Variants in LUZP2 observed in about 807,000 individuals in gnomAD.
The protein encoded by LUZP2 is leucine zipper protein 2.
In LUZP2, 52 loss-of-function variants were observed where a neutral mutation model predicts 51.6. That is an observed-to-expected ratio of 1.01 (90% CI 0.81 to 1.27). The LOEUF is 1.27. LUZP2 is among the 50% of genes most tolerant of loss of function. The pLI is 0.00. For synonymous variants in LUZP2, 154 were observed against 137.3 expected, an observed-to-expected ratio of 1.12 and a Z score of -0.85; for missense variants, 436 against 395.4, an observed-to-expected ratio of 1.10 and a Z score of -0.87.
At chr11:24,599,147 T>C (rs1424320383) in intron 1 of LUZP2, among the ~76,000 whole-genome samples, 1 of 152,128 alleles carries the variant, frequency 6.6e-6, no homozygotes, top group East Asian at 1.9e-4. Flanking sequence ...ATCAACAACG[T>C]GATGAAGACA....
intron 8 of LUZP2, among the ~76,000 whole-genome samples, chr11:24,978,429 G>A (rs1590797669): frequency 6.6e-6 from 1 of 151,680 alleles, no homozygotes; most frequent in Admixed American, 6.6e-5. Context: ...TTAAATCCTA[G>A]AAAATCATTA....
chr11:24,516,559 T>A (rs1013472576), intron 1 of LUZP2, among the ~76,000 whole-genome samples: 17 of 152,216 alleles, frequency 1.1e-4, no homozygotes, highest in African/African-American at 3.9e-4. Flanking sequence ...GTTTGTTTTC[T>A]TTTTTGTGTG....
In LUZP2 at chr11:24,894,686, T is replaced by C. The variant is rs1478237941; in HGVS notation, c.397-11305T>C. Among the ~76,000 whole-genome samples the C allele has an allele frequency of 3.8e-5, 4 of 105,184 alleles. No individual in the cohort carries two copies. The South Asian group carries it at 9.1e-4, about 24-fold the overall frequency. 69.0% of individuals were successfully genotyped at this position (105,184 alleles called of 152,430 possible). ...GTATTCAATGTTTAACTCCCTCTTA[T>C]ACACGACAACGTGTCATTTGGTTTC... On this transcript the variant is annotated intron_variant, in intron 5 of 11. Transcript: ENST00000336930.
intron 1 of LUZP2, among the ~76,000 whole-genome samples, chr11:24,602,383 T>TACACACAC (rs550126763): frequency 0.015 from 660 of 43,148 alleles, 12 homozygotes; most frequent in Admixed American, 0.094. Context: ...TGTATATATA[T>TACACACAC]ATATACACAC....
chr11:24,691,690 G>T (rs926987630), intron 1 of LUZP2, among the ~76,000 whole-genome samples: 4 of 152,044 alleles, frequency 2.6e-5, no homozygotes, highest in African/African-American at 7.2e-5. Context: ...CATTGTATTA[G>T]AAAGATGGAC....
intron 1 of LUZP2, among the ~76,000 whole-genome samples, chr11:24,563,306 A>G (rs2133777696): frequency 6.6e-6 from 1 of 152,314 alleles, no homozygotes; most frequent in East Asian, 1.9e-4. Flanking sequence ...TCCATGAAAA[A>G]GGACAAAATG....
At chr11:24,791,615 A>C (rs1290273089) in intron 5 of LUZP2, among the ~76,000 whole-genome samples, 4 of 152,054 alleles carry the variant, frequency 2.6e-5, no homozygotes, top group Non-Finnish European at 5.9e-5. Flanking sequence ...TCATCTCTTC[A>C]ACATGTTGTA....
At position 24,783,172 on chromosome 11, in the gene LUZP2, T is replaced by C. The variant is rs377337091; in HGVS notation, c.396+19864T>C. Among the ~76,000 whole-genome samples, 3 of 152,202 alleles carry C rather than the reference T, an allele frequency of 2.0e-5. No homozygotes were observed. The South Asian group carries it at 6.2e-4, about 32-fold the overall frequency. ...ACATGTCCATTGTCTAAGTTCACTA[T>C]TCTTGTCAGAGCTGCAAGAAAATAA... On this transcript the variant is annotated intron_variant, in intron 5 of 11. Coordinates refer to ENST00000336930, the MANE Select transcript of LUZP2 (RefSeq NM_001009909.4).
chr11:24,969,709 A>G (rs1855690736), intron 7 of LUZP2, among the ~76,000 whole-genome samples: 3 of 152,190 alleles, frequency 2.0e-5, no homozygotes. Context: ...TAGAGAGTTA[A>G]GAGATAGAGT....
At position 24,774,900 on chromosome 11, in the gene LUZP2, G is replaced by T. The variant is rs1401697588; in HGVS notation, c.396+11592G>T. 1.3e-5 allele frequency among the ~76,000 whole-genome samples: 2 copies of T among 148,542 alleles called. 1 individual carries two copies. Among genetic ancestry groups the T allele is most frequent in the Non-Finnish European group, 3.0e-5 (2 of 67,350 alleles). On this transcript the variant is annotated intron_variant, in intron 5 of 11. Transcript: ENST00000336930. ...ATTCTTTTAGTTCTGTCCCTCTAGA[G>T]AATCGTGACTAATACGGCATCTCTA...
At chr11:24,509,625 CATATT>C (rs1451839530) in intron 1 of LUZP2, among the ~76,000 whole-genome samples, 2 of 149,350 alleles carry the variant, frequency 1.3e-5, no homozygotes, top group African/African-American at 4.9e-5. Context: ...TTATATATAA[CATATT>C]ATATGTTATA....
At chr11:24,570,636 T>C (rs985841595) in intron 1 of LUZP2, among the ~76,000 whole-genome samples, 1 of 151,982 alleles carries the variant, frequency 6.6e-6, no homozygotes, top group Non-Finnish European at 1.5e-5. Context: ...AAATAGATAT[T>C]TCACTTTAAG....
At chr11:24,764,285 C>T (rs723140) in intron 5 of LUZP2, among the ~76,000 whole-genome samples, 82,544 of 151,656 alleles carry the variant, frequency 0.54, 22,630 homozygotes, top group South Asian at 0.56. Flanking sequence ...TTTATCTTTA[C>T]ATAAGTAGCA....
At chr11:25,027,171 G>T (rs1320162724) in intron 9 of LUZP2, among the ~76,000 whole-genome samples, 1 of 151,914 alleles carries the variant, frequency 6.6e-6, no homozygotes, top group Non-Finnish European at 1.5e-5. Flanking sequence ...ATAAATCATT[G>T]CTAAATTAGC....
chr11:24,666,446 T>C (rs1590320373), intron 1 of LUZP2, among the ~76,000 whole-genome samples: 1 of 152,134 alleles, frequency 6.6e-6, no homozygotes, highest in Non-Finnish European at 1.5e-5. Flanking sequence ...ATGATTTATA[T>C]TGGAGAAGTG....
chr11:24,743,901 G>A (rs903766551), intron 4 of LUZP2, among the ~76,000 whole-genome samples: 48 of 152,042 alleles, frequency 3.2e-4, no homozygotes, highest in African/African-American at 1.1e-3. Context: ...TAATCATAAA[G>A]GGACGCTGGG....
intron 4 of LUZP2, among the ~76,000 whole-genome samples, chr11:24,748,309 T>C (rs1437288496): frequency 1.3e-5 from 2 of 152,108 alleles, no homozygotes; most frequent in African/African-American, 4.8e-5. Context: ...TGCAAACTGC[T>C]CCTTCAGTTT....
intron 1 of LUZP2, among the ~76,000 whole-genome samples, chr11:24,538,603 C>T (rs1481568451): frequency 6.6e-6 from 1 of 151,070 alleles, no homozygotes; most frequent in African/African-American, 2.4e-5. Context: ...TTCTACAAAA[C>T]TATTCTACAA....
chr11:24,764,211 G>A (rs537206062), intron 5 of LUZP2, among the ~76,000 whole-genome samples: 14 of 152,190 alleles, frequency 9.2e-5, no homozygotes, highest in Admixed American at 2.0e-4. Context: ...GTGCGTGGGC[G>A]CGTACACACA....
Sources: gnomAD v4.1 joint callset for allele counts (sites outside exome capture counted in the v4.1 genomes callset) on GRCh38, gnomAD v4.1.1 for gene constraint, MANE v1.5 for transcripts, NCBI Gene and HGNC (gene_info 2026-07-23, HGNC 2026-07-21) for gene names.